The following TANC2 variants were observed in gnomAD, a reference collection of about 807,000 sequenced individuals.
TANC2 encodes the protein protein TANC2.
A neutral mutation model predicts 210.5 loss-of-function variants in TANC2; 26 were observed. That is an observed-to-expected ratio of 0.12 (90% CI 0.09 to 0.17). The LOEUF (loss-of-function observed/expected upper bound fraction) is 0.17. Ranked by LOEUF, TANC2 falls within the 10% of genes least tolerant of loss-of-function variation. TANC2 has a pLI of 1.00. For missense variants in TANC2, 2,129 were observed against 2,608.9 expected (o/e 0.82, Z 4.01); for synonymous variants, 931 against 967.1 (o/e 0.96, Z 0.69).
At chr17:63,119,600 G>A (rs1039010388) in intron 4 of TANC2, among the ~76,000 whole-genome samples, 3 of 152,124 alleles carry the variant, frequency 2.0e-5, no homozygotes, top group Admixed American at 2.0e-4. Context: ...TAAATTTTAT[G>A]TATATTTAAT....
chr17:63,134,852 T>C (rs192547839), intron 4 of TANC2, among the ~76,000 whole-genome samples: 7 of 152,324 alleles, frequency 4.6e-5, no homozygotes, highest in African/African-American at 1.4e-4. Flanking sequence ...ATAATACATA[T>C]GTAATATTTC....
chr17:63,217,700 A>G (rs1161700263), intron 7 of TANC2, among the ~76,000 whole-genome samples: 1 of 152,226 alleles, frequency 6.6e-6, no homozygotes, highest in African/African-American at 2.4e-5. Context: ...TCCTCCAGGA[A>G]GTTAAAGAGG....
chr17:63,394,292 T>G (rs1235265484), intron 17 of TANC2, among the ~76,000 whole-genome samples: 1 of 152,240 alleles, frequency 6.6e-6, no homozygotes, highest in Non-Finnish European at 1.5e-5. Flanking sequence ...ATTGTTCACC[T>G]TGCCCCAGAT....
intron 19 of TANC2, 104 bp downstream of exon 19, chr17:63,399,018 C>CTCAGGCT: frequency 1.3e-6 from 1 of 795,704 alleles, no homozygotes; most frequent in South Asian, 2.0e-5. Flanking sequence ...AGTCTTCTGT[C>CTCAGGCT]TCAGGCTTTT....
chr17:63,290,591 C>T (rs1291359209), intron 9 of TANC2, among the ~76,000 whole-genome samples: 1 of 152,134 alleles, frequency 6.6e-6, no homozygotes, highest in African/African-American at 2.4e-5. Flanking sequence ...GGATTTGCCT[C>T]ATTTGTTTTC....
chr17:63,415,634 C>G, exon 26 of TANC2: 6 of 1,613,870 alleles, frequency 3.7e-6, no homozygotes, highest in South Asian at 1.1e-5. Flanking sequence ...CTAAAGGTGT[C>G]TCTCCTCCTC....
At chr17:63,277,064 T>G (rs926737881) in intron 9 of TANC2, among the ~76,000 whole-genome samples, 2 of 152,138 alleles carry the variant, frequency 1.3e-5, no homozygotes, top group Non-Finnish European at 2.9e-5. Context: ...CAGCTTCGAC[T>G]CCTCTCTTCC....
chr17:63,037,022 G>A (rs896123897), intron 2 of TANC2, among the ~76,000 whole-genome samples: 3 of 151,698 alleles, frequency 2.0e-5, no homozygotes, highest in South Asian at 2.1e-4. Context: ...TATAAATTAC[G>A]CATAGTAAGA....
chr17:63,126,577 T>A (rs1386940966), intron 4 of TANC2, among the ~76,000 whole-genome samples: 1 of 152,096 alleles, frequency 6.6e-6, no homozygotes, highest in East Asian at 1.9e-4. Context: ...CTGGCTGATT[T>A]TTTTATTTTT....
chr17:63,102,264 C>T (rs12948257), intron 4 of TANC2, among the ~76,000 whole-genome samples: 1,621 of 151,890 alleles, frequency 0.011, 17 homozygotes, highest in Non-Finnish European at 0.019. Flanking sequence ...GAGCTCTGAT[C>T]GCACCACTGC....
At chr17:63,327,931 C>G (rs569893373) in intron 11 of TANC2, among the ~76,000 whole-genome samples, 14 of 152,238 alleles carry the variant, frequency 9.2e-5, no homozygotes, top group African/African-American at 1.4e-4. Flanking sequence ...CCACTCCCCC[C>G]ACCTCACAAC....
chr17:63,259,175 A>C lies in TANC2; in HGVS notation c.1034-8573A>C, dbSNP rs534014382. Among the ~76,000 whole-genome samples, 6 of 152,162 alleles carry C rather than the reference A, an allele frequency of 3.9e-5. No homozygotes were observed. The South Asian group carries it at 1.2e-3, about 32-fold the overall frequency. On this transcript the variant is annotated intron_variant, in intron 8 of 27. Coordinates refer to ENST00000689528, the Ensembl canonical transcript of TANC2. Reference sequence around the variant, plus strand: ...AGAACTCTTCCTGCGGCCCTATTCTACTGTGGCTAAGCTGGTATCCAAGTT... The same window carrying C: ...AGAACTCTTCCTGCGGCCCTATTCTCCTGTGGCTAAGCTGGTATCCAAGTT...
At chr17:63,311,843 G>GC (rs1451004068) in intron 9 of TANC2, among the ~76,000 whole-genome samples, 3 of 152,122 alleles carry the variant, frequency 2.0e-5, no homozygotes, top group Non-Finnish European at 2.9e-5. Flanking sequence ...GAAGTAAAAG[G>GC]CCACATACTC....
chr17:63,355,877 A>G (rs1474654280), intron 14 of TANC2, among the ~76,000 whole-genome samples: 1 of 152,182 alleles, frequency 6.6e-6, no homozygotes, highest in Non-Finnish European at 1.5e-5. Flanking sequence ...AGAAAATACA[A>G]TCTTAAACCT....
chr17:63,192,585 C>G (rs1444495727), intron 5 of TANC2, among the ~76,000 whole-genome samples: 1 of 152,014 alleles, frequency 6.6e-6, no homozygotes, highest in Admixed American at 6.5e-5. Flanking sequence ...TCATTGGGAG[C>G]ATAGATTCTG....
At chr17:63,010,926 C>G (rs2033839240) in intron 2 of TANC2, among the ~76,000 whole-genome samples, 1 of 152,084 alleles carries the variant, frequency 6.6e-6, no homozygotes, top group Non-Finnish European at 1.5e-5. Context: ...CATCGAACCC[C>G]ATCCTTTTGG....
chr17:63,138,680 A>G (rs1567755763), intron 4 of TANC2, among the ~76,000 whole-genome samples: 1 of 151,996 alleles, frequency 6.6e-6, no homozygotes, highest in Non-Finnish European at 1.5e-5. Context: ...TTTTTAAAAG[A>G]TTTTTCTTTC....
At chr17:63,305,929 G>C (rs1041018229) in intron 9 of TANC2, among the ~76,000 whole-genome samples, 1 of 152,202 alleles carries the variant, frequency 6.6e-6, no homozygotes, top group Non-Finnish European at 1.5e-5. Context: ...GTGGCAGGGT[G>C]TGAGGCGTGG....
chr17:63,133,951 C>A (rs1300650385), intron 4 of TANC2, among the ~76,000 whole-genome samples: 1 of 152,066 alleles, frequency 6.6e-6, no homozygotes, highest in Non-Finnish European at 1.5e-5. Flanking sequence ...GATTTTAAAT[C>A]ATAGTTGGTA....
Sources: allele counts gnomAD v4.1 joint callset (sites outside exome capture counted in the v4.1 genomes callset), GRCh38; gene constraint gnomAD v4.1.1; transcripts MANE v1.5; gene names NCBI Gene and HGNC (gene_info 2026-07-23, HGNC 2026-07-21).